Variants in TAFA1 observed in about 807,000 individuals in gnomAD.
TAFA1 encodes TAFA chemokine like family member 1.
Under a neutral mutation model 18.5 loss-of-function variants are expected in TAFA1, and 4 were observed. The observed-to-expected ratio is 0.22, with a 90% CI of 0.11 to 0.49. The LOEUF (loss-of-function observed/expected upper bound fraction) is 0.49. TAFA1 is among the 20% of genes least tolerant of loss of function. The pLI, the probability that TAFA1 is intolerant of heterozygous loss-of-function variation, is 0.98. For missense variants in TAFA1, 147 were observed against 169.0 expected, an observed-to-expected ratio of 0.87 and a Z score of 0.72; for synonymous variants, 56 against 55.2, an observed-to-expected ratio of 1.01 and a Z score of -0.06.
intron 2 of TAFA1, among the ~76,000 whole-genome samples, chr3:68,361,333 G>T (rs954060868): frequency 2.0e-5 from 3 of 151,990 alleles, no homozygotes; most frequent in African/African-American, 4.8e-5. Context: ...GATATCAGAG[G>T]CTGAGAAAGG....
At chr3:68,495,043 C>G (rs1324209770) in intron 3 of TAFA1, among the ~76,000 whole-genome samples, 1 of 152,018 alleles carries the variant, frequency 6.6e-6, no homozygotes, top group African/African-American at 2.4e-5. Context: ...AACAGAAGCT[C>G]TATTAACTGA....
At chr3:68,364,788 C>T (rs73835105) in intron 2 of TAFA1, among the ~76,000 whole-genome samples, 7,121 of 152,236 alleles carry the variant, frequency 0.047, 448 homozygotes, top group African/African-American at 0.14. Context: ...CATATGTTAA[C>T]TCTTCTGTTA....
chr3:68,150,994 A>C (rs2065800714), intron 2 of TAFA1, among the ~76,000 whole-genome samples: 1 of 152,040 alleles, frequency 6.6e-6, no homozygotes. Flanking sequence ...TAGAAACTAG[A>C]AACTAAAAAA....
chr3:68,159,682 T>C, intron 2 of TAFA1, among the ~76,000 whole-genome samples: 1 of 152,146 alleles, frequency 6.6e-6, no homozygotes, highest in South Asian at 2.1e-4. Context: ...CCTCAAGAGA[T>C]AACAGTTGAC....
chr3:68,317,734 G>A (rs1278841427), intron 2 of TAFA1, among the ~76,000 whole-genome samples: 12 of 152,090 alleles, frequency 7.9e-5, no homozygotes, highest in Non-Finnish European at 1.6e-4. Context: ...AAAAAGTAGG[G>A]GGGAAAGTAC....
At chr3:68,236,547 G>T (rs1478597584) in intron 2 of TAFA1, among the ~76,000 whole-genome samples, 1 of 152,166 alleles carries the variant, frequency 6.6e-6, no homozygotes, top group African/African-American at 2.4e-5. Context: ...AACCTATTCA[G>T]GAGACAGACG....
chr3:68,176,764 G>A (rs151327295), intron 2 of TAFA1, among the ~76,000 whole-genome samples: 1 of 152,292 alleles, frequency 6.6e-6, no homozygotes, highest in African/African-American at 2.4e-5. Context: ...GAGTTCATTA[G>A]AATGGTGTCA....
At chr3:68,213,577 G>C (rs1214702822) in intron 2 of TAFA1, among the ~76,000 whole-genome samples, 1 of 152,074 alleles carries the variant, frequency 6.6e-6, no homozygotes, top group Non-Finnish European at 1.5e-5. Context: ...AGGGCCTGGA[G>C]TATATGAAAG....
chr3:68,050,086 G>T (rs2064448836), intron 2 of TAFA1, among the ~76,000 whole-genome samples: 1 of 152,116 alleles, frequency 6.6e-6, no homozygotes, highest in African/African-American at 2.4e-5. Context: ...TGTAAAAATG[G>T]TGTATCGTAG....
At chr3:68,045,469 C>T (rs1705248273) in intron 2 of TAFA1, among the ~76,000 whole-genome samples, 1 of 152,120 alleles carries the variant, frequency 6.6e-6, no homozygotes, top group Non-Finnish European at 1.5e-5. Context: ...AAATTAGATA[C>T]ATAGTCAGGA....
chr3:68,513,746 A>G (rs1476062525), intron 3 of TAFA1, among the ~76,000 whole-genome samples: 1 of 152,234 alleles, frequency 6.6e-6, no homozygotes, highest in Non-Finnish European at 1.5e-5. Flanking sequence ...TTACAGATAA[A>G]GAAAGTAAAA....
At chr3:68,411,701 C>T (rs1212717264) in intron 2 of TAFA1, among the ~76,000 whole-genome samples, 1 of 152,166 alleles carries the variant, frequency 6.6e-6, no homozygotes, top group Non-Finnish European at 1.5e-5. Context: ...GTAGAGGTAA[C>T]TGAGCCCCCT....
chr3:68,090,198 A>C lies in TAFA1; in HGVS notation c.118+83454A>C, dbSNP rs552209149. 3.3e-5 allele frequency among the ~76,000 whole-genome samples: 5 copies of C among 152,324 alleles called. No homozygotes were observed. In the East Asian group the frequency reaches 9.6e-4, roughly 29 times the overall value. On this transcript the variant is annotated intron_variant, in intron 2 of 4. Transcript: ENST00000478136. ...AACCCAAGAGTCTTCTCTCCAACAC[A>C]TAAAACAAACAAATCCCTGCAAGAT...
intron 2 of TAFA1, among the ~76,000 whole-genome samples, chr3:68,131,487 C>G (rs553830797): frequency 6.6e-6 from 1 of 152,308 alleles, no homozygotes; most frequent in South Asian, 2.1e-4. Flanking sequence ...TATTTTTAGA[C>G]TCCCCACTGC....
intron 2 of TAFA1, among the ~76,000 whole-genome samples, chr3:68,176,339 G>A (rs1007113099): frequency 1.3e-5 from 2 of 152,118 alleles, no homozygotes; most frequent in Non-Finnish European, 2.9e-5. Flanking sequence ...AAAACTAGGT[G>A]AGCATGGTGT....
chr3:68,268,499 A>G (rs377302310), intron 2 of TAFA1, among the ~76,000 whole-genome samples: 1 of 151,744 alleles, frequency 6.6e-6, no homozygotes, highest in Non-Finnish European at 1.5e-5. Flanking sequence ...GTGATATTTG[A>G]CCTCTTTTTG....
chr3:68,027,343 G>T (rs533487326), intron 2 of TAFA1, among the ~76,000 whole-genome samples: 1 of 152,106 alleles, frequency 6.6e-6, no homozygotes, highest in Non-Finnish European at 1.5e-5. Context: ...GATGTGGATT[G>T]TTTCTATTTT....
chr3:68,217,938 A>G (rs2066679628), intron 2 of TAFA1, among the ~76,000 whole-genome samples: 1 of 152,088 alleles, frequency 6.6e-6, no homozygotes, highest in Non-Finnish European at 1.5e-5. Context: ...TGAATAAAAT[A>G]AATACCTTTA....
intron 2 of TAFA1, among the ~76,000 whole-genome samples, chr3:68,370,323 T>A (rs924218366): frequency 2.1e-3 from 20 of 9,716 alleles, no homozygotes; most frequent in South Asian, 8.3e-3. Context: ...AAAAAAAAAA[T>A]ATATATATAT....
Sources: allele counts gnomAD v4.1 joint callset (sites outside exome capture counted in the v4.1 genomes callset), GRCh38; gene constraint gnomAD v4.1.1; transcripts MANE v1.5; gene names NCBI Gene and HGNC (gene_info 2026-07-23, HGNC 2026-07-21).